TRAM2: variants seen among roughly 807,000 people sequenced by gnomAD.
TRAM2 encodes the protein translocation associated membrane protein 2.
TRAM2 carries 12 observed loss-of-function variants against 51.0 expected under a neutral mutation model. The observed-to-expected ratio is 0.24, with a 90% CI of 0.15 to 0.38. The LOEUF is 0.38. TRAM2 is among the 10% of genes least tolerant of loss of function. The pLI, the probability that TRAM2 is intolerant of heterozygous loss-of-function variation, is 1.00. For missense variants in TRAM2, 361 were observed against 462.0 expected, an observed-to-expected ratio of 0.78 and a Z score of 2.00; for synonymous variants, 175 against 179.4, an observed-to-expected ratio of 0.98 and a Z score of 0.20.
chr6:52,530,628 C>T (rs1427331400), intron 2 of TRAM2, among the ~76,000 whole-genome samples: 3 of 152,074 alleles, frequency 2.0e-5, no homozygotes, highest in African/African-American at 4.8e-5. Context: ...GGGAGAAGTC[C>T]GTGTGAAGAC....
chr6:52,546,969 G>A (rs550916058), intron 1 of TRAM2, among the ~76,000 whole-genome samples: 99 of 152,258 alleles, frequency 6.5e-4, no homozygotes, highest in Middle Eastern at 6.8e-3. Context: ...AATGTGTGAA[G>A]TGTCCATCAG....
intron 1 of TRAM2, among the ~76,000 whole-genome samples, chr6:52,547,382 T>C (rs115359360): frequency 0.018 from 2,670 of 152,260 alleles, 66 homozygotes; most frequent in African/African-American, 0.061. Flanking sequence ...GACCACGCCC[T>C]TTCTCAGTTC....
chr6:52,533,052 TCA>T (rs1766919135), intron 2 of TRAM2, among the ~76,000 whole-genome samples: 1 of 132,080 alleles, frequency 7.6e-6, no homozygotes, highest in Non-Finnish European at 1.5e-5. Flanking sequence ...GTAGTCAAAT[TCA>T]CAGAGACAGA....
At chr6:52,504,966 G>C (rs1302309089) in intron 9 of TRAM2, among the ~76,000 whole-genome samples, 1 of 152,236 alleles carries the variant, frequency 6.6e-6, no homozygotes, top group African/African-American at 2.4e-5. Context: ...CATGTGCCAG[G>C]GAGACGGGAA....
rs1766181370 is a variant in TRAM2 at position 52,500,166 on chromosome 6, G to C, written c.*3031C>G. 3 of 152,224 alleles carry C rather than the reference G, an allele frequency of 2.0e-5. No homozygotes were observed. The South Asian group carries it at 6.2e-4, about 32-fold the overall frequency. 9.4% of individuals were successfully genotyped at this position (152,224 alleles called of 1,614,324 possible). ...GGTTTACGTCTTTTCTCCTGCTCTT[G>C]GTGCATGGTGCTGAGCTCTCAAGCT... On this transcript the variant is annotated 3_prime_UTR_variant, in exon 11 of 11. Coordinates refer to ENST00000182527, the MANE Select transcript of TRAM2 (RefSeq NM_012288.4).
chr6:52,530,718 C>T (rs1169788232), intron 2 of TRAM2, among the ~76,000 whole-genome samples: 1 of 152,106 alleles, frequency 6.6e-6, no homozygotes, highest in Non-Finnish European at 1.5e-5. Flanking sequence ...TTCCAAGGAG[C>T]GCGGCCCCTC....
chr6:52,526,152 G>GACACACACACAC (rs775593303), intron 2 of TRAM2, among the ~76,000 whole-genome samples: 18 of 28,854 alleles, frequency 6.2e-4, no homozygotes, highest in Admixed American at 1.5e-3. Context: ...CACACAGACA[G>GACACACACACAC]ACACACACAC....
intron 1 of TRAM2, among the ~76,000 whole-genome samples, chr6:52,553,538 T>G (rs1388963274): frequency 2.0e-5 from 3 of 152,358 alleles, no homozygotes; most frequent in Admixed American, 2.0e-4. Context: ...TTTGAGAGCC[T>G]GCTCCAGCCT....
At chr6:52,562,676 A>G (rs1767520336) in intron 1 of TRAM2, among the ~76,000 whole-genome samples, 1 of 152,242 alleles carries the variant, frequency 6.6e-6, no homozygotes, top group Non-Finnish European at 1.5e-5. Flanking sequence ...TGTCACCTAC[A>G]TTAGGTATTT....
At chr6:52,548,321 A>G (rs549672909) in intron 1 of TRAM2, among the ~76,000 whole-genome samples, 1 of 152,362 alleles carries the variant, frequency 6.6e-6, no homozygotes, top group Admixed American at 6.5e-5. Flanking sequence ...AAGCCAGGCA[A>G]GGTAAAGGCA....
intron 2 of TRAM2, chr6:52,522,990 T>G (rs778179118): frequency 2.9e-6 from 2 of 691,972 alleles, no homozygotes; most frequent in South Asian, 3.1e-5. Context: ...TGGTGTCCAC[T>G]TCTTACTGAC....
chr6:52,567,249 A>G (rs901038555), intron 1 of TRAM2, among the ~76,000 whole-genome samples: 2 of 152,252 alleles, frequency 1.3e-5, no homozygotes, highest in South Asian at 2.1e-4. Flanking sequence ...AAATCTGGCG[A>G]GGCCATAGTT....
At chr6:52,511,035 T>C (rs983999003) in intron 4 of TRAM2, among the ~76,000 whole-genome samples, 1 of 152,216 alleles carries the variant, frequency 6.6e-6, no homozygotes, top group African/African-American at 2.4e-5. Context: ...CAGATTAGAT[T>C]AGGATGACTT....
At chr6:52,569,405 A>G (rs1342993640) in intron 1 of TRAM2, among the ~76,000 whole-genome samples, 2 of 149,640 alleles carry the variant, frequency 1.3e-5, no homozygotes, top group Non-Finnish European at 3.0e-5. Flanking sequence ...AAAAAAAAAA[A>G]AAGAAAGAAA....
intron 1 of TRAM2, among the ~76,000 whole-genome samples, chr6:52,554,777 T>C (rs1009530814): frequency 1.3e-5 from 2 of 151,162 alleles, no homozygotes; most frequent in African/African-American, 4.9e-5. Flanking sequence ...TTTTTTTTTT[T>C]TTTTTTTAAC....
In TRAM2 at chr6:52,502,481, G is replaced by A. The variant is rs892983566; in HGVS notation, c.*716C>T. 5.9e-5 allele frequency: 9 copies of A among 152,232 alleles called. No individual in the cohort carries two copies. Among genetic ancestry groups the A allele is most frequent in the East Asian group, 1.9e-4 (1 of 5,190 alleles). The allele number at this position is 152,232 out of a possible 1,614,324, so 9.4% of individuals were successfully genotyped here. A position where few individuals can be genotyped will look rare whatever the true frequency, so the allele number is the denominator to read the frequency against. ...GACAGCAGGCTGGCTTCCAATCCGCGGCCAGCCACTGGTAGGAGCTCGAGT... is the reference window on the plus strand; with the variant it reads ...GACAGCAGGCTGGCTTCCAATCCGCAGCCAGCCACTGGTAGGAGCTCGAGT... On this transcript the variant is annotated 3_prime_UTR_variant, in exon 11 of 11. Coordinates refer to ENST00000182527, the MANE Select transcript of TRAM2 (RefSeq NM_012288.4).
intron 1 of TRAM2, among the ~76,000 whole-genome samples, chr6:52,576,315 G>GA (rs1321340765): frequency 6.6e-6 from 1 of 152,220 alleles, no homozygotes; most frequent in Non-Finnish European, 1.5e-5. Context: ...AAAACACCCA[G>GA]AAAATCACAT....
intron 2 of TRAM2, among the ~76,000 whole-genome samples, chr6:52,520,995 C>T (rs1209347678): frequency 6.6e-6 from 1 of 152,084 alleles, no homozygotes; most frequent in South Asian, 2.1e-4. Flanking sequence ...CACAACCTCC[C>T]GGGTTCAAGC....
chr6:52,575,392 A>G (rs1328734653), intron 1 of TRAM2, among the ~76,000 whole-genome samples: 1 of 152,164 alleles, frequency 6.6e-6, no homozygotes, highest in African/African-American at 2.4e-5. Context: ...ATATACCACT[A>G]GAGAGAGCTG....
Sources: gnomAD v4.1 joint callset for allele counts (sites outside exome capture counted in the v4.1 genomes callset) on GRCh38, gnomAD v4.1.1 for gene constraint, MANE v1.5 for transcripts, NCBI Gene and HGNC (gene_info 2026-07-23, HGNC 2026-07-21) for gene names.